The following NEGR1 variants were observed in gnomAD, a reference collection of about 807,000 sequenced individuals.
NEGR1 encodes neuronal growth regulator 1, also known as IgLON family member 4.
NEGR1 carries 10 observed loss-of-function variants against 40.9 expected under a neutral mutation model. That is an observed-to-expected ratio of 0.24 (90% CI 0.15 to 0.42). The LOEUF is 0.42. NEGR1 is among the 10% of genes least tolerant of loss of function. NEGR1 has a pLI of 1.00. For missense variants in NEGR1, 352 were observed against 438.9 expected, an observed-to-expected ratio of 0.80 and a Z score of 1.77; for synonymous variants, 185 against 166.8, an observed-to-expected ratio of 1.11 and a Z score of -0.84.
chr1:71,650,313 T>C (rs1480070557), intron 4 of NEGR1, among the ~76,000 whole-genome samples: 2 of 152,108 alleles, frequency 1.3e-5, no homozygotes, highest in Non-Finnish European at 2.9e-5. Context: ...AAGTTATAGC[T>C]TACACTATTT....
At chr1:72,028,055 C>G (rs376244554) in intron 1 of NEGR1, among the ~76,000 whole-genome samples, 3 of 152,186 alleles carry the variant, frequency 2.0e-5, no homozygotes, top group Admixed American at 1.3e-4. Flanking sequence ...ATTCTTATCT[C>G]GTGAAATTTC....
chr1:72,041,731 C>A (rs1440166996), intron 1 of NEGR1, among the ~76,000 whole-genome samples: 1 of 148,232 alleles, frequency 6.7e-6, no homozygotes, highest in Non-Finnish European at 1.5e-5. Context: ...TATATACACA[C>A]ACATATATAT....
At chr1:72,060,313 A>G (rs1003947689) in intron 1 of NEGR1, among the ~76,000 whole-genome samples, 3 of 151,688 alleles carry the variant, frequency 2.0e-5, no homozygotes, top group Non-Finnish European at 4.4e-5. Context: ...TTAGAGATTT[A>G]TCATCTTAAC....
chr1:72,158,892 C>A (rs1375788050), intron 1 of NEGR1, among the ~76,000 whole-genome samples: 3 of 152,056 alleles, frequency 2.0e-5, no homozygotes, highest in African/African-American at 7.2e-5. Flanking sequence ...AAATCATTAA[C>A]ATTTTGTAAG....
intron 3 of NEGR1, among the ~76,000 whole-genome samples, chr1:71,703,691 G>GA (rs1427282858): frequency 1.3e-5 from 2 of 151,530 alleles, no homozygotes; most frequent in African/African-American, 4.8e-5. Context: ...AAACACCAAA[G>GA]AAAAAAATAT....
chr1:71,718,316 GC>G (rs1654344014), intron 3 of NEGR1, among the ~76,000 whole-genome samples: 1 of 152,010 alleles, frequency 6.6e-6, no homozygotes, highest in Admixed American at 6.6e-5. Context: ...ACCTCTCCCT[GC>G]CCCCACCACT....
intron 1 of NEGR1, among the ~76,000 whole-genome samples, chr1:72,044,838 TA>T (rs1174692297): frequency 6.6e-6 from 1 of 151,838 alleles, no homozygotes; most frequent in African/African-American, 2.4e-5. Context: ...TGAATAGAGT[TA>T]ATACTTACTT....
At chr1:71,734,757 T>C (rs1654994112) in intron 3 of NEGR1, among the ~76,000 whole-genome samples, 2 of 152,100 alleles carry the variant, frequency 1.3e-5, no homozygotes, top group Admixed American at 1.3e-4. Context: ...TGAAACAGCT[T>C]TCATTAAATT....
intron 1 of NEGR1, among the ~76,000 whole-genome samples, chr1:71,950,151 T>A (rs1031037513): frequency 6.6e-5 from 10 of 152,026 alleles, no homozygotes; most frequent in Non-Finnish European, 1.3e-4. Flanking sequence ...CCAAACATGG[T>A]CTTGGTGAAA....
At chr1:71,717,479 C>T (rs1654316134) in intron 3 of NEGR1, among the ~76,000 whole-genome samples, 1 of 152,146 alleles carries the variant, frequency 6.6e-6, no homozygotes, top group Non-Finnish European at 1.5e-5. Context: ...TAGATCTGTA[C>T]AGCTAATCCT....
intron 3 of NEGR1, among the ~76,000 whole-genome samples, chr1:71,748,636 A>G (rs1316546449): frequency 6.6e-6 from 1 of 152,132 alleles, no homozygotes; most frequent in Non-Finnish European, 1.5e-5. Context: ...ATTAGATTTT[A>G]GTTAGCTAAT....
chr1:71,495,840 A>T (rs1646959453), intron 6 of NEGR1, among the ~76,000 whole-genome samples: 1 of 152,190 alleles, frequency 6.6e-6, no homozygotes, highest in African/African-American at 2.4e-5. Flanking sequence ...CCACTGTATT[A>T]ACAAAATAGT....
chr1:71,769,151 GA>G (rs1656229876), intron 3 of NEGR1, among the ~76,000 whole-genome samples: 1 of 151,032 alleles, frequency 6.6e-6, no homozygotes. Flanking sequence ...ATCTATAATT[GA>G]AATTTTTTTC....
rs771959041 is a variant in NEGR1 at position 71,592,784 on chromosome 1, CT to C, written c.940+32del. 3.8e-6 allele frequency: 6 copies of C among 1,583,896 alleles called. No homozygotes were observed. In the African/African-American group the frequency reaches 8.1e-5, roughly 21 times the overall value. ...CAGATGGATAGGGGCCCAGAGGCCC[CT>C]GGAAGCATTTTGGTACCATTGCATT... On this transcript the variant is annotated intron_variant, in intron 6 of 6. Transcript: ENST00000357731.
intron 5 of NEGR1, among the ~76,000 whole-genome samples, chr1:71,607,446 G>T (rs533336069): frequency 6.6e-6 from 1 of 152,246 alleles, no homozygotes; most frequent in South Asian, 2.1e-4. Context: ...TTAAACCCAT[G>T]GACTCTGCAT....
chr1:71,553,888 TTTTCTTA>T (rs1051172087), intron 6 of NEGR1, among the ~76,000 whole-genome samples: 2 of 150,962 alleles, frequency 1.3e-5, no homozygotes, highest in African/African-American at 4.9e-5. Context: ...TACAAAATCT[TTTTCTTA>T]TTTAACATAT....
chr1:71,813,527 A>C (rs1247226403), intron 2 of NEGR1, among the ~76,000 whole-genome samples: 1 of 152,126 alleles, frequency 6.6e-6, no homozygotes, highest in Non-Finnish European at 1.5e-5. Context: ...TTTGGAAACT[A>C]TGGCCATTTT....
chr1:71,915,228 A>G (rs1487012419), intron 2 of NEGR1, among the ~76,000 whole-genome samples: 1 of 152,196 alleles, frequency 6.6e-6, no homozygotes, highest in Non-Finnish European at 1.5e-5. Flanking sequence ...TTTAGATATG[A>G]TAAGAAGCCT....
At chr1:71,637,775 C>A (rs567102691) in intron 4 of NEGR1, among the ~76,000 whole-genome samples, 1 of 151,726 alleles carries the variant, frequency 6.6e-6, no homozygotes, top group Non-Finnish European at 1.5e-5. Flanking sequence ...GCATCATTGG[C>A]GGTAGGCATG....
Sources: gnomAD v4.1 joint callset for allele counts (sites outside exome capture counted in the v4.1 genomes callset) on GRCh38, gnomAD v4.1.1 for gene constraint, MANE v1.5 for transcripts, NCBI Gene and HGNC (gene_info 2026-07-23, HGNC 2026-07-21) for gene names.